The following SERPINB4 variants were observed in gnomAD, a reference collection of about 807,000 sequenced individuals.
The protein encoded by SERPINB4 is serpin B4.
In SERPINB4, 39 loss-of-function variants were observed where a neutral mutation model predicts 33.2. The observed-to-expected ratio is 1.18, with a 90% CI of 0.91 to 1.53. SERPINB4 has a LOEUF of 1.53. SERPINB4 is among the 40% of genes most tolerant of loss of function. The pLI, the probability that SERPINB4 is intolerant of heterozygous loss-of-function variation, is 0.00. For missense variants in SERPINB4, 564 were observed against 455.4 expected, an observed-to-expected ratio of 1.24 and a Z score of -2.17; for synonymous variants, 191 against 166.4, an observed-to-expected ratio of 1.15 and a Z score of -1.14.
chr18:63,641,787 G>A lies in SERPINB4; in HGVS notation c.324C>T (p.Phe108=), dbSNP rs370255131. The change falls in exon 4 of 8, where the codon TTC becomes TTT. Residue 108 remains phenylalanine, a synonymous_variant. Transcript: ENST00000341074. ...GTAAAAATTGATACGTCTTTTCTCC[G>A]AAGAGCTTGTTGGCGATCTTCAGCT... ...AYELKIANKL[F]GEKTYQFLQE... 166 of 1,613,248 alleles carry A rather than the reference G, an allele frequency of 1.0e-4. No individual in the cohort carries two copies. Among genetic ancestry groups the A allele is most frequent in the Non-Finnish European group, 1.4e-4 (161 of 1,179,506 alleles).
intron 6 of SERPINB4, 103 bp from the exon 7 acceptor site, chr18:63,639,443 C>T (rs1913051085): frequency 5.0e-6 from 6 of 1,210,962 alleles, no homozygotes; most frequent in East Asian, 5.1e-5. Flanking sequence ...AAGAAATAAC[C>T]CAGGAATTCC....
At chr18:63,642,466 C>T (rs1019594493) in intron 3 of SERPINB4, among the ~76,000 whole-genome samples, 29 of 152,014 alleles carry the variant, frequency 1.9e-4, no homozygotes, top group African/African-American at 6.7e-4. Context: ...CAGATGAACA[C>T]AAGAAAGCTC....
chr18:63,643,081 C>G (rs1913189293), intron 3 of SERPINB4, 80 bp downstream of exon 3: 1 of 1,583,822 alleles, frequency 6.3e-7, no homozygotes, highest in Non-Finnish European at 8.6e-7. Context: ...CTGGCCTTTT[C>G]TTAGTTTTTG....
chr18:63,639,496 A>G, intron 6 of SERPINB4, 138 bp downstream of exon 6: 5 of 1,023,904 alleles, frequency 4.9e-6, no homozygotes, highest in Non-Finnish European at 7.0e-6. Context: ...CTAACTAAAT[A>G]AAGTTATAAG....
At chr18:63,642,980 T>C in intron 3 of SERPINB4, 181 bp downstream of exon 3, 1 of 707,796 alleles carries the variant, frequency 1.4e-6, no homozygotes. Flanking sequence ...TGTCTTTTAG[T>C]AACGCAGAAA....
intron 5 of SERPINB4, 82 bp downstream of exon 5, chr18:63,640,792 C>T: frequency 8.4e-7 from 1 of 1,191,278 alleles, no homozygotes; most frequent in Non-Finnish European, 1.2e-6. Flanking sequence ...ATCCCCACAC[C>T]TGTTCCCCCA....
chr18:63,642,925 C>T (rs531848686), intron 3 of SERPINB4: 221 of 535,366 alleles, frequency 4.1e-4, no homozygotes, highest in African/African-American at 3.2e-3. Context: ...AGTCTGAACC[C>T]AGCCTATCCT....
At position 63,637,939 on chromosome 18, in the gene SERPINB4, G is replaced by T. The variant is rs1400004599; in HGVS notation, c.953C>A (p.Thr318Asn). 3 of 1,613,628 alleles carry T rather than the reference G, an allele frequency of 1.9e-6. No individual in the cohort carries two copies. Among genetic ancestry groups the T allele is most frequent in the Non-Finnish European group, 2.5e-6 (3 of 1,179,756 alleles). ...AGATACTGAGAGACCGTGGCTCCAG[G>T]TCATGCCTGAGAGGTCTGCATCCCC... is the stretch of plus-strand genomic sequence containing the variant. ...FNGDADLSGM[T>N]WSHGLSVSKV... The change falls in exon 8 of 8, where the codon ACC (threonine) becomes AAC (asparagine). Residue 318 changes from threonine (T) to asparagine (N), a missense_variant. Thr to Asn is a moderately conservative substitution (Grantham distance 65). Coordinates refer to ENST00000341074, the MANE Select transcript of SERPINB4 (RefSeq NM_002974.4).
intron 7 of SERPINB4, among the ~76,000 whole-genome samples, chr18:63,638,860 T>TA (rs1181563906): frequency 4.1e-4 from 62 of 150,290 alleles, no homozygotes; most frequent in African/African-American, 1.4e-3. Flanking sequence ...TACCTAACGC[T>TA]AAATGACGAG....
At position 63,639,266 on chromosome 18, in the gene SERPINB4, G is replaced by A. The variant is rs190123237; in HGVS notation, c.687C>T (p.Ala229=). Residue 229 remains alanine, a synonymous_variant, in exon 7 of 8, where the codon GCC becomes GCT. Transcript: ENST00000341074. ...FNFALLEDVQ[A]KVLEIPYKGK... is the part of the protein sequence containing the mutation. ...CTTTGTATGGTATTTCCAGGACCTT[G>A]GCCTGTACATCCTCCAGCAAGGCAA... 2.4e-5 allele frequency: 38 copies of A among 1,612,730 alleles called. No homozygotes were observed. The highest frequency in any genetic ancestry group is 3.2e-5 in the Non-Finnish European group (38 of 1,179,152).
At chr18:63,639,411 A>G in intron 6 of SERPINB4, 71 bp from the exon 7 acceptor site, 2 of 1,409,894 alleles carry the variant, frequency 1.4e-6, no homozygotes, top group South Asian at 2.8e-5. Flanking sequence ...TTATTGAGAT[A>G]GCAACACATC....
rs1165570672 is a variant in SERPINB4, at chr18:63,637,472, T to A, written c.*247A>T. ...AGAAGACACGGTATTAAATGATTCA[T>A]CTTATCTTGGACATTTTTCCTCAAG... On this transcript the variant is annotated 3_prime_UTR_variant, in exon 8 of 8. Transcript: ENST00000341074. The A allele has an allele frequency of 2.4e-6, 1 of 416,550 alleles. No individual in the cohort carries two copies. The highest frequency in any genetic ancestry group is 2.0e-5 in the African/African-American group (1 of 49,198). 25.8% of individuals were successfully genotyped at this position (416,550 alleles called of 1,614,324 possible).
rs766413988 is a variant in SERPINB4 at position 63,639,351 on chromosome 18, T to G, written c.613-11A>C. On this transcript the variant is annotated splice_polypyrimidine_tract_variant and intron_variant, in intron 6 of 7. Coordinates refer to ENST00000341074, the MANE Select transcript of SERPINB4 (RefSeq NM_002974.4). ...AGATTTGTATGTATTCTGCAATAAA[T>G]CAATGTGTCCAACAAATAACACGTG... The G allele has an allele frequency of 8.1e-6, 13 of 1,595,248 alleles. No homozygotes were observed. The African/African-American group carries it at 1.6e-4, about 20-fold the overall frequency.
intron 5 of SERPINB4, among the ~76,000 whole-genome samples, 160 bp downstream of exon 5, chr18:63,640,714 T>C (rs545201280): frequency 6.6e-5 from 10 of 152,126 alleles, no homozygotes; most frequent in Admixed American, 3.9e-4. Context: ...CTAGGCTCTC[T>C]TCATATTCAT....
rs541302733 is a variant in SERPINB4 at position 63,639,327 on chromosome 18, G to C, written c.626C>G (p.Ser209Cys). 1.2e-6 allele frequency: 2 copies of C among 1,606,682 alleles called. No homozygotes were observed. Among genetic ancestry groups the C allele is most frequent in the African/African-American group, 2.7e-5 (2 of 74,746 alleles). ...KFWPNKNTYK[S>C]VQMMRQYNSF... Reference sequence around the variant, plus strand: ...ATTGTATTGCCTCATCATCTGTACAGATTTGTATGTATTCTGCAATAAATC... The same window carrying C: ...ATTGTATTGCCTCATCATCTGTACACATTTGTATGTATTCTGCAATAAATC... Residue 209 changes from serine to cysteine, a missense_variant, in exon 7 of 8, where the codon TCT (serine) becomes TGT (cysteine). Transcript: ENST00000341074.
At chr18:63,640,022 T>G (rs1384716356) in intron 5 of SERPINB4, among the ~76,000 whole-genome samples, 2 of 152,044 alleles carry the variant, frequency 1.3e-5, no homozygotes, top group African/African-American at 4.8e-5. Flanking sequence ...AGAGAAGGAG[T>G]TCACGTTCTC....
chr18:63,637,505 T>G lies in SERPINB4; in HGVS notation c.*214A>C. On this transcript the variant is annotated 3_prime_UTR_variant, in exon 8 of 8. Transcript: ENST00000341074. Reference sequence around the variant, plus strand: ...TGGACATTTTTCCTCAAGGGAAATTTTTCTGGAAGGAAAAGTACATTTATA... The same window carrying G: ...TGGACATTTTTCCTCAAGGGAAATTGTTCTGGAAGGAAAAGTACATTTATA... 1 of 470,876 alleles carries G rather than the reference T, an allele frequency of 2.1e-6. No homozygotes were observed. Among genetic ancestry groups the G allele is most frequent in the Non-Finnish European group, 3.6e-6 (1 of 276,964 alleles). The allele number at this position is 470,876 out of a possible 1,614,324, so 29.2% of individuals were successfully genotyped here.
chr18:63,639,408 G>C (rs1190323720), intron 6 of SERPINB4, 68 bp from the exon 7 acceptor site: 2 of 1,428,580 alleles, frequency 1.4e-6, no homozygotes, highest in Non-Finnish European at 1.9e-6. Context: ...ATATTATTGA[G>C]ATAGCAACAC....
At position 63,637,495 on chromosome 18, in the gene SERPINB4, A is replaced by T; in HGVS notation, c.*224T>A. The T allele has an allele frequency of 2.2e-6, 1 of 448,574 alleles. No homozygotes were observed. Among genetic ancestry groups the T allele is most frequent in the Non-Finnish European group, 3.9e-6 (1 of 258,554 alleles). The allele number at this position is 448,574 out of a possible 1,614,324, so 27.8% of individuals were successfully genotyped here. The stretch of plus-strand genomic sequence containing the variant: ...CATCTTATCTTGGACATTTTTCCTC[A>T]AGGGAAATTTTTCTGGAAGGAAAAG... On this transcript the variant is annotated 3_prime_UTR_variant, in exon 8 of 8. Transcript: ENST00000341074.
Sources: allele counts gnomAD v4.1 joint callset (sites outside exome capture counted in the v4.1 genomes callset), GRCh38; gene constraint gnomAD v4.1.1; transcripts MANE v1.5; gene names NCBI Gene and HGNC (gene_info 2026-07-23, HGNC 2026-07-21).